Variants in MGST1 observed in about 807,000 individuals in gnomAD.
MGST1 encodes glutathione S-transferase 12.
A neutral mutation model predicts 8.9 loss-of-function variants in MGST1; 5 were observed. The observed-to-expected ratio is 0.56, with a 90% CI of 0.29 to 1.19. MGST1 has a LOEUF of 1.19. Ranked by LOEUF, MGST1 falls within the 50% of genes most tolerant of loss-of-function variation. The pLI is 0.08. For missense variants in MGST1, 182 were observed against 187.4 expected (o/e 0.97, Z 0.17); for synonymous variants, 54 against 67.8 (o/e 0.80, Z 1.00).
chr12:16,527,407 T>C (rs1941694363), intron 4 of MGST1, among the ~76,000 whole-genome samples: 1 of 152,010 alleles, frequency 6.6e-6, no homozygotes, highest in Non-Finnish European at 1.5e-5. Context: ...TTTCAAAAAA[T>C]CTTTGCAACT....
At chr12:16,543,221 T>G (rs1234993279) in intron 4 of MGST1, among the ~76,000 whole-genome samples, 1 of 152,172 alleles carries the variant, frequency 6.6e-6, no homozygotes, top group Non-Finnish European at 1.5e-5. Context: ...TGAGTTCATC[T>G]TGCTAAATAT....
intron 1 of MGST1, among the ~76,000 whole-genome samples, chr12:16,434,196 AATAATGAATGG>A (rs1940964106): frequency 6.6e-6 from 1 of 152,128 alleles, no homozygotes; most frequent in Non-Finnish European, 1.5e-5. Flanking sequence ...TAAATGAATG[AATAATGAATGG>A]ATGAAATGAT....
chr12:16,512,955 A>G (rs1278578388), intron 4 of MGST1, among the ~76,000 whole-genome samples: 2 of 152,334 alleles, frequency 1.3e-5, no homozygotes, highest in East Asian at 1.9e-4. Context: ...TCAGAGGGGA[A>G]TGGAGTTTAG....
intron 4 of MGST1, among the ~76,000 whole-genome samples, chr12:16,445,415 C>G (rs1385485539): frequency 6.6e-6 from 1 of 151,880 alleles, no homozygotes; most frequent in African/African-American, 2.4e-5. Flanking sequence ...ACCAAATCCT[C>G]CAGCATGCTA....
chr12:16,467,164 C>T (rs887134748), intron 4 of MGST1, among the ~76,000 whole-genome samples: 5 of 152,156 alleles, frequency 3.3e-5, no homozygotes, highest in Non-Finnish European at 7.4e-5. Context: ...CAATGTAATA[C>T]CACCTTCAAG....
At chr12:16,355,236 T>C (rs1939662944) in intron 2 of MGST1, among the ~76,000 whole-genome samples, 1 of 145,038 alleles carries the variant, frequency 6.9e-6, no homozygotes, top group Non-Finnish European at 1.5e-5. Context: ...TGAGATGGAG[T>C]CTCACTCTGT....
At chr12:16,372,407 G>A (rs1044177294) in intron 3 of MGST1, among the ~76,000 whole-genome samples, 1 of 151,914 alleles carries the variant, frequency 6.6e-6, no homozygotes, top group Non-Finnish European at 1.5e-5. Flanking sequence ...CATACAAATG[G>A]CCAACTAGTA....
At chr12:16,452,422 G>C (rs925897490) in intron 4 of MGST1, among the ~76,000 whole-genome samples, 1 of 150,548 alleles carries the variant, frequency 6.6e-6, no homozygotes, top group African/African-American at 2.4e-5. Context: ...AATGGAAACT[G>C]TTTGGTTGTC....
chr12:16,568,203 C>CTAGCATTACAGAAGAATCAAGT (rs1474419542), intron 4 of MGST1, among the ~76,000 whole-genome samples: 1 of 152,044 alleles, frequency 6.6e-6, no homozygotes, highest in African/African-American at 2.4e-5. Context: ...TTGTAAGAAC[C>CTAGCATTACAGAAGAATCAAGT]TAGCATTACA....
Position 16,478,711 on chromosome 12 carries a change from A to G in MGST1, n.482+95107A>G, listed in dbSNP as rs983168755. Among the ~76,000 whole-genome samples, 2 of 152,116 alleles carry G rather than the reference A, an allele frequency of 1.3e-5. 1 individual carries two copies. Among genetic ancestry groups the G allele is most frequent in the South Asian group, 4.1e-4 (2 of 4,836 alleles). ...CAATATTAAAAAATGTATAGATTGG[A>G]CCACATGACATTTATTTTGTCCTTA... On this transcript the variant is annotated intron_variant and non_coding_transcript_variant, in intron 4 of 4. Transcript: ENST00000538857.
intron 3 of MGST1, chr12:16,360,388 C>T (rs936630718): frequency 5.1e-6 from 5 of 984,436 alleles, no homozygotes; most frequent in Middle Eastern, 5.2e-4. Flanking sequence ...TTACCGTGTG[C>T]AACAATTGTG....
chr12:16,445,466 G>A (rs1247644308), intron 4 of MGST1, among the ~76,000 whole-genome samples: 1 of 151,876 alleles, frequency 6.6e-6, no homozygotes, highest in Non-Finnish European at 1.5e-5. Flanking sequence ...ATTATATGAT[G>A]TCATTAATGC....
intron 4 of MGST1, among the ~76,000 whole-genome samples, chr12:16,512,406 G>T (rs1024934988): frequency 2.0e-5 from 3 of 152,186 alleles, no homozygotes; most frequent in African/African-American, 7.2e-5. Context: ...ATTCTGACCT[G>T]TTGCCAAGTT....
intron 1 of MGST1, chr12:16,400,577 G>A (rs1330745251): frequency 5.2e-6 from 5 of 954,604 alleles, no homozygotes; most frequent in Non-Finnish European, 6.9e-6. Context: ...GCATTCTGAA[G>A]GTTCAAGGCT....
At chr12:16,522,149 T>A (rs1186407581) in intron 4 of MGST1, among the ~76,000 whole-genome samples, 2 of 152,006 alleles carry the variant, frequency 1.3e-5, no homozygotes. Flanking sequence ...CGTACATAGG[T>A]TTTACTCTAT....
intron 3 of MGST1, among the ~76,000 whole-genome samples, chr12:16,359,354 C>T (rs1939883404): frequency 6.6e-6 from 1 of 152,134 alleles, no homozygotes; most frequent in African/African-American, 2.4e-5. Flanking sequence ...ACAATTCTAC[C>T]CCCAAGCTAT....
At chr12:16,359,373 C>G (rs1939884305) in intron 3 of MGST1, among the ~76,000 whole-genome samples, 1 of 152,168 alleles carries the variant, frequency 6.6e-6, no homozygotes, top group South Asian at 2.1e-4. Flanking sequence ...ATTCATCAAG[C>G]AAGAATGTTT....
At chr12:16,512,007 A>G (rs780159607) in intron 4 of MGST1, among the ~76,000 whole-genome samples, 7 of 152,214 alleles carry the variant, frequency 4.6e-5, no homozygotes, top group Non-Finnish European at 1.0e-4. Flanking sequence ...ATTTTTATTT[A>G]GAAACAATTA....
chr12:16,392,146 C>T (rs1023934791), intron 1 of MGST1, among the ~76,000 whole-genome samples: 2 of 152,092 alleles, frequency 1.3e-5, no homozygotes, highest in African/African-American at 2.4e-5. Flanking sequence ...ATTACTGTAG[C>T]CCTGTAATAT....
Sources: allele counts gnomAD v4.1 joint callset (sites outside exome capture counted in the v4.1 genomes callset), GRCh38; gene constraint gnomAD v4.1.1; transcripts MANE v1.5; gene names NCBI Gene and HGNC (gene_info 2026-07-23, HGNC 2026-07-21).